The following TMEM67 variants were observed in gnomAD, a reference collection of about 807,000 sequenced individuals.
TMEM67 encodes the protein meckelin.
In TMEM67, 124 loss-of-function variants were observed where a neutral mutation model predicts 136.6. That is an observed-to-expected ratio of 0.91 (90% CI 0.78 to 1.05). The LOEUF is 1.05. Ranked by LOEUF, TMEM67 falls within the 50% of genes least tolerant of loss-of-function variation. The pLI, the probability that TMEM67 is intolerant of heterozygous loss-of-function variation, is 0.00. For synonymous variants in TMEM67, 364 were observed against 390.5 expected, an observed-to-expected ratio of 0.93 and a Z score of 0.80; for missense variants, 1,107 against 1,178.4, an observed-to-expected ratio of 0.94 and a Z score of 0.89.
chr8:93,831,983 G>A, the TMEM67 span, among the ~76,000 whole-genome samples: 1 of 152,278 alleles, frequency 6.6e-6, no homozygotes, highest in East Asian at 1.9e-4. Context: ...TGGACATCAG[G>A]TCTTGCCATC....
intron 16 of TMEM67, chr8:93,795,158 A>G (rs552766068): frequency 1.3e-5 from 7 of 552,644 alleles, no homozygotes; most frequent in Admixed American, 6.4e-5. Flanking sequence ...AAGCAGTTCA[A>G]TTTTCTTAGA....
chr8:93,808,458 TATATTTATCTATTATAG>T (rs1039202686), intron 23 of TMEM67, among the ~76,000 whole-genome samples: 8 of 1,682 alleles, frequency 4.8e-3, no homozygotes, highest in Non-Finnish European at 6.8e-3. Context: ...TATATAAATA[TATATTTATCTATTATAG>T]ATATTTATCT....
intron 16 of TMEM67, 110 bp downstream of exon 16, chr8:93,793,406 G>A: frequency 2.2e-6 from 2 of 914,600 alleles, no homozygotes; most frequent in Non-Finnish European, 3.5e-6. Flanking sequence ...AATTTTTCTG[G>A]GATATGTAAT....
intron 15 of TMEM67, among the ~76,000 whole-genome samples, chr8:93,792,963 G>A (rs767323781): frequency 1.8e-4 from 28 of 151,542 alleles, no homozygotes; most frequent in Non-Finnish European, 2.9e-4. Flanking sequence ...TAGTAGAGAC[G>A]GGTTTCACCG....
chr8:93,808,463 T>TA (rs1563480786), intron 23 of TMEM67, among the ~76,000 whole-genome samples: 39 of 2,408 alleles, frequency 0.016, 1 homozygote, highest in African/African-American at 0.056. Flanking sequence ...AAATATATAT[T>TA]TATCTATTAT....
chr8:93,796,658 C>T (rs531762559), intron 18 of TMEM67, among the ~76,000 whole-genome samples: 316 of 152,114 alleles, frequency 2.1e-3, no homozygotes, highest in African/African-American at 7.3e-3. Flanking sequence ...TTCAACAGCA[C>T]ATTCTTTAAA....
At chr8:93,797,619 T>C in intron 20 of TMEM67, 149 bp downstream of exon 20, 3 of 748,690 alleles carry the variant, frequency 4.0e-6, no homozygotes, top group Non-Finnish European at 6.5e-6. Flanking sequence ...AGTACCTTTA[T>C]GTTACGTATT....
chr8:93,828,479 C>G, the TMEM67 span, among the ~76,000 whole-genome samples: 2 of 152,202 alleles, frequency 1.3e-5, no homozygotes, highest in Non-Finnish European at 2.9e-5. Context: ...GTGGCTCACA[C>G]CTGTAATCCC....
chr8:93,766,399 T>C (rs1403065448), intron 6 of TMEM67, among the ~76,000 whole-genome samples: 1 of 152,216 alleles, frequency 6.6e-6, no homozygotes, highest in East Asian at 1.9e-4. Flanking sequence ...ATTACATGCA[T>C]GAGCCACTGC....
rs374653706 is a variant in TMEM67 at position 93,810,407 on chromosome 8, C to T, written c.2764+520C>T. Among the ~76,000 whole-genome samples, 28 of 151,824 alleles carry T rather than the reference C, an allele frequency of 1.8e-4. 2 individuals carry two copies. Among genetic ancestry groups the T allele is most frequent in the Admixed American group, 1.3e-3 (20 of 15,254 alleles). On this transcript the variant is annotated intron_variant, in intron 26 of 27. Coordinates refer to ENST00000453321, the MANE Select transcript of TMEM67 (RefSeq NM_153704.6). The stretch of plus-strand genomic sequence containing the variant: ...ACCAGCCTGGCCAACATGGTGAAAC[C>T]CGTCTTTACTAAAAATACAAAACTT...
At chr8:93,831,498 A>G in the TMEM67 span, among the ~76,000 whole-genome samples, 1 of 152,212 alleles carries the variant, frequency 6.6e-6, no homozygotes, top group East Asian at 1.9e-4. Flanking sequence ...TCTGTCATTT[A>G]CATTCAAGTG....
intron 2 of TMEM67, chr8:93,756,730 C>T (rs1437103647): frequency 6.6e-6 from 1 of 152,144 alleles, no homozygotes. Context: ...AAAGTGGTCT[C>T]GCAGCAGATT....
rs1563458595 is a variant in TMEM67 at position 93,780,861 on chromosome 8, T to G, written c.870-13T>G. On this transcript the variant is annotated splice_polypyrimidine_tract_variant and intron_variant, in intron 8 of 27. Transcript: ENST00000453321. ...TTATTCTCCATTATTAAAACAGTTGTAACTGTTTATAGGAGACAGAATCTT... is the reference window on the plus strand; with the variant it reads ...TTATTCTCCATTATTAAAACAGTTGGAACTGTTTATAGGAGACAGAATCTT... 1 of 1,593,080 alleles carries G rather than the reference T, an allele frequency of 6.3e-7. No homozygotes were observed. The highest frequency in any genetic ancestry group is 2.2e-5 in the East Asian group (1 of 44,748).
chr8:93,776,291 C>T (rs1178532805), intron 7 of TMEM67, among the ~76,000 whole-genome samples: 1 of 152,176 alleles, frequency 6.6e-6, no homozygotes, highest in African/African-American at 2.4e-5. Flanking sequence ...ATCATGTCTT[C>T]TGCAAACAGG....
At chr8:93,774,303 C>T (rs934870080) in intron 7 of TMEM67, among the ~76,000 whole-genome samples, 1 of 152,160 alleles carries the variant, frequency 6.6e-6, no homozygotes, top group African/African-American at 2.4e-5. Context: ...GCGTGAGCCA[C>T]CATGCCCGGC....
chr8:93,757,091 A>G (rs1812603831), intron 2 of TMEM67: 2 of 10,646 alleles, frequency 1.9e-4, no homozygotes, highest in South Asian at 5.2e-3. Flanking sequence ...TAAATAAAAT[A>G]TAAATAAATA....
chr8:93,779,887 A>G (rs765452247), intron 7 of TMEM67, among the ~76,000 whole-genome samples: 3 of 152,194 alleles, frequency 2.0e-5, no homozygotes. Context: ...CTGTGCTGGG[A>G]GAACCACTGC....
chr8:93,757,251 C>T (rs899117446), intron 2 of TMEM67: 3 of 152,098 alleles, frequency 2.0e-5, no homozygotes, highest in Admixed American at 2.0e-4. Context: ...TTGGTTACAT[C>T]TGTGTTTGTA....
At chr8:93,785,801 C>T (rs115093108) in intron 12 of TMEM67, 5,288 of 221,130 alleles carry the variant, frequency 0.024, 276 homozygotes, top group African/African-American at 0.11. Flanking sequence ...GTCCAAGGCA[C>T]GGTGGCTCAC....
Sources: allele counts gnomAD v4.1 joint callset (sites outside exome capture counted in the v4.1 genomes callset), GRCh38; gene constraint gnomAD v4.1.1; transcripts MANE v1.5; gene names NCBI Gene and HGNC (gene_info 2026-07-23, HGNC 2026-07-21).